The following LRIF1 variants were observed in gnomAD, a reference collection of about 807,000 sequenced individuals.
The protein encoded by LRIF1 is ligand dependent nuclear receptor interacting factor 1, also known as ligand-dependent nuclear receptor-interacting factor 1.
LRIF1 carries 32 observed loss-of-function variants against 52.7 expected under a neutral mutation model. The observed-to-expected ratio is 0.61, with a 90% CI of 0.46 to 0.82. LRIF1 has a LOEUF of 0.82. LRIF1 is among the 40% of genes least tolerant of loss of function. LRIF1 has a pLI of 0.00. For synonymous variants in LRIF1, 323 were observed against 317.4 expected, an observed-to-expected ratio of 1.02 and a Z score of -0.19; for missense variants, 887 against 892.0, an observed-to-expected ratio of 0.99 and a Z score of 0.07.
the LRIF1 span, among the ~76,000 whole-genome samples, chr1:110,930,903 C>T: frequency 2.0e-5 from 3 of 152,070 alleles, no homozygotes; most frequent in Non-Finnish European, 4.4e-5. Context: ...GGGCTGGCCC[C>T]AAGTTTCTTT....
the LRIF1 span, among the ~76,000 whole-genome samples, chr1:110,901,588 G>T: frequency 9.4e-5 from 14 of 148,156 alleles, no homozygotes; most frequent in African/African-American, 3.5e-4. Context: ...GCAATCTCCT[G>T]CCTCAGCCTC....
Position 110,952,531 on chromosome 1 carries a change from C to G in LRIF1, c.353G>C (p.Gly118Ala). Residue 118 changes from glycine to alanine, a missense_variant, in exon 2 of 4, where the codon GGT becomes GCT. Gly to Ala is a moderately conservative substitution (Grantham distance 60). Transcript: ENST00000369763. ...LTRTVDTSEK[G>A]RVTSVGTGNF... ...TCCAGTTCCCACAGAAGTAACTCTA[C>G]CTTTTTCTGATGTATCTACTGTTCT... 1 of 1,613,956 alleles carries G rather than the reference C, an allele frequency of 6.2e-7. No individual in the cohort carries two copies. Among genetic ancestry groups the G allele is most frequent in the East Asian group, 2.2e-5 (1 of 44,878 alleles).
chr1:110,963,427 A>G (rs1244956463), intron 1 of LRIF1, 194 bp downstream of exon 1: 6 of 429,790 alleles, frequency 1.4e-5, no homozygotes, highest in Non-Finnish European at 2.6e-5. Flanking sequence ...GGCTCTAAAG[A>G]GGTTTTACAT....
At chr1:110,957,346 G>A (rs778498340) in intron 1 of LRIF1, among the ~76,000 whole-genome samples, 17 of 148,574 alleles carry the variant, frequency 1.1e-4, no homozygotes, top group Non-Finnish European at 1.8e-4. Context: ...GGTAGCAAGC[G>A]CCTGTAGTCC....
chr1:110,945,285 T>C (rs1658179164), downstream of LRIF1: 1 of 152,186 alleles, frequency 6.6e-6, no homozygotes, highest in Non-Finnish European at 1.5e-5. Flanking sequence ...AAAGGATATA[T>C]AAGGTATTAG....
chr1:110,953,309 A>C (rs1034276038), intron 1 of LRIF1, among the ~76,000 whole-genome samples: 4 of 152,074 alleles, frequency 2.6e-5, no homozygotes, highest in Admixed American at 6.6e-5. Flanking sequence ...TGCCTAAGCT[A>C]TCTCTCATGG....
At chr1:110,939,930 A>C in the LRIF1 span, 1 of 152,194 alleles carries the variant, frequency 6.6e-6, no homozygotes, top group Non-Finnish European at 1.5e-5. Flanking sequence ...TCTGAGCAAA[A>C]ATTTCTTGAG....
chr1:110,886,970 A>T, the LRIF1 span, among the ~76,000 whole-genome samples: 6 of 150,726 alleles, frequency 4.0e-5, no homozygotes, highest in African/African-American at 1.5e-4. Flanking sequence ...CATTAATCCA[A>T]TCCAATGTAT....
the LRIF1 span, among the ~76,000 whole-genome samples, chr1:110,876,187 T>A: frequency 6.6e-6 from 1 of 152,342 alleles, no homozygotes; most frequent in East Asian, 1.9e-4. Flanking sequence ...AACTGTCCAA[T>A]CTGCTTACTT....
the LRIF1 span, among the ~76,000 whole-genome samples, chr1:110,921,704 G>A: frequency 1.3e-5 from 2 of 152,144 alleles, no homozygotes; most frequent in East Asian, 3.8e-4. Context: ...GATAATTATA[G>A]TGGGATATGT....
the LRIF1 span, among the ~76,000 whole-genome samples, chr1:110,877,633 C>T: frequency 6.6e-6 from 1 of 152,154 alleles, no homozygotes; most frequent in East Asian, 1.9e-4. Context: ...TTTTCTTCTT[C>T]CTTATTTCTC....
chr1:110,929,444 A>G, the LRIF1 span, among the ~76,000 whole-genome samples: 1 of 152,164 alleles, frequency 6.6e-6, no homozygotes, highest in African/African-American at 2.4e-5. Flanking sequence ...TTGACTTTTG[A>G]ATAATAGTCA....
At chr1:110,945,616 G>C (rs1288357347), downstream of LRIF1, among the ~76,000 whole-genome samples, 2 of 152,126 alleles carry the variant, frequency 1.3e-5, no homozygotes, top group African/African-American at 2.4e-5. Context: ...AGTAGAGACG[G>C]GGTTTCACCA....
the LRIF1 span, among the ~76,000 whole-genome samples, chr1:110,912,577 T>C: frequency 5.9e-5 from 9 of 152,168 alleles, no homozygotes; most frequent in Non-Finnish European, 1.5e-5. Flanking sequence ...ATCCCATTCA[T>C]GATAGCCACA....
chr1:110,930,675 A>C, the LRIF1 span, among the ~76,000 whole-genome samples: 5 of 152,166 alleles, frequency 3.3e-5, no homozygotes, highest in Non-Finnish European at 7.4e-5. Context: ...TTAATGCTTC[A>C]ATCTATGAAT....
Position 110,952,173 on chromosome 1 carries a change from T to C in LRIF1, c.711A>G (p.Thr237=). ...AGTTCTTGGTAACTACATTTTTCAC[T>C]GTATTTACAGGAGATACATAAATAA... ...PTVIYVSPVN[T]VKNVVTKNFQ... Residue 237 remains threonine (T), a synonymous_variant, in exon 2 of 4, where the codon ACA becomes ACG. Transcript: ENST00000369763. 2 of 1,614,234 alleles carry C rather than the reference T, an allele frequency of 1.2e-6. No homozygotes were observed. The highest frequency in any genetic ancestry group is 8.5e-7 in the Non-Finnish European group (1 of 1,180,030).
the LRIF1 span, among the ~76,000 whole-genome samples, chr1:110,906,699 T>C: frequency 2.0e-5 from 3 of 152,126 alleles, no homozygotes; most frequent in African/African-American, 7.2e-5. Flanking sequence ...CAGGAAACTA[T>C]CATACTCACT....
chr1:110,912,703 AT>A, the LRIF1 span, among the ~76,000 whole-genome samples: 1 of 152,360 alleles, frequency 6.6e-6, no homozygotes, highest in African/African-American at 2.4e-5. Context: ...TGCAAAAAAC[AT>A]TCCATGCTCA....
the LRIF1 span, among the ~76,000 whole-genome samples, chr1:110,916,636 TGCCC>T: frequency 6.6e-6 from 1 of 152,226 alleles, no homozygotes; most frequent in African/African-American, 2.4e-5. Flanking sequence ...AGACAAAACT[TGCCC>T]CAAACTGTCT....
Sources: gnomAD v4.1 joint callset for allele counts (sites outside exome capture counted in the v4.1 genomes callset) on GRCh38, gnomAD v4.1.1 for gene constraint, MANE v1.5 for transcripts, NCBI Gene and HGNC (gene_info 2026-07-23, HGNC 2026-07-21) for gene names.